The following NXPE2 variants were observed in gnomAD, a reference collection of about 807,000 sequenced individuals.
The protein encoded by NXPE2 is neurexophilin and PC-esterase domain family member 2.
A neutral mutation model predicts 34.4 loss-of-function variants in NXPE2; 34 were observed. The observed-to-expected ratio is 0.99, with a 90% confidence interval of 0.75 to 1.31. The LOEUF is 1.31. Among genes scored for constraint, NXPE2 ranks in the 40% most tolerant of loss-of-function variants. NXPE2 has a pLI of 0.00. For missense variants in NXPE2, 649 were observed against 672.5 expected (o/e 0.97, Z 0.39); for synonymous variants, 235 against 231.3 (o/e 1.02, Z -0.15).
At chr11:114,636,731 A>T in the NXPE2 span, among the ~76,000 whole-genome samples, 4 of 152,242 alleles carry the variant, frequency 2.6e-5, no homozygotes, top group African/African-American at 9.6e-5. Context: ...CCCAGCAGTC[A>T]TTCAGGAGCA....
the NXPE2 span, among the ~76,000 whole-genome samples, chr11:114,586,497 A>G: frequency 3.3e-5 from 5 of 152,232 alleles, no homozygotes; most frequent in Non-Finnish European, 5.9e-5. Context: ...TAGCGTGGCT[A>G]CCAGCCTTAC....
chr11:114,601,618 T>TATTATATATATTATTTATAATTATATATA, the NXPE2 span, among the ~76,000 whole-genome samples: 19 of 1,908 alleles, frequency 1.0e-2, no homozygotes, highest in African/African-American at 0.017. Flanking sequence ...TATAATTATA[T>TATTATATATATTATTTATAATTATATATA]ATTATATATT....
the NXPE2 span, among the ~76,000 whole-genome samples, chr11:114,751,245 T>G: frequency 6.6e-6 from 1 of 152,178 alleles, no homozygotes; most frequent in Non-Finnish European, 1.5e-5. Flanking sequence ...ACGTGCAGCT[T>G]CTATGTGCCA....
chr11:114,513,111 C>G, the NXPE2 span: 1 of 538,636 alleles, frequency 1.9e-6, no homozygotes, highest in Admixed American at 2.0e-5. Flanking sequence ...GAAGCACCTG[C>G]CATCAGGGCT....
the NXPE2 span, among the ~76,000 whole-genome samples, chr11:114,642,192 A>G: frequency 2.8e-4 from 42 of 152,066 alleles, no homozygotes; most frequent in Non-Finnish European, 5.1e-4. Context: ...TGAAAATGGC[A>G]TTTTACTTCT....
chr11:114,714,899 G>A, the NXPE2 span, among the ~76,000 whole-genome samples: 2 of 152,150 alleles, frequency 1.3e-5, no homozygotes, highest in East Asian at 3.9e-4. Flanking sequence ...GCACACGCCT[G>A]TAATCCCAGC....
the NXPE2 span, among the ~76,000 whole-genome samples, chr11:114,487,322 CTGATTTTTGTATGT>C: frequency 6.6e-6 from 1 of 152,032 alleles, no homozygotes; most frequent in Non-Finnish European, 1.5e-5. Context: ...AGAGATGCTA[CTGATTTTTGTATGT>C]TGATTTTGTA....
At chr11:114,549,255 T>C in the NXPE2 span, among the ~76,000 whole-genome samples, 55,437 of 151,768 alleles carry the variant, frequency 0.37, 10,373 homozygotes, top group East Asian at 0.66. Flanking sequence ...ACAAAAAGCT[T>C]CCAAATCAAT....
the NXPE2 span, among the ~76,000 whole-genome samples, chr11:114,615,358 A>G: frequency 0.012 from 1,858 of 151,642 alleles, 36 homozygotes; most frequent in African/African-American, 0.042. Flanking sequence ...TGCCTCGTGG[A>G]TAACCACTGT....
At chr11:114,720,356 G>T in the NXPE2 span, among the ~76,000 whole-genome samples, 1 of 152,212 alleles carries the variant, frequency 6.6e-6, no homozygotes, top group Non-Finnish European at 1.5e-5. Context: ...CCAGCCTTCT[G>T]AATCCCTTGA....
the NXPE2 span, among the ~76,000 whole-genome samples, chr11:114,506,212 G>A: frequency 1.3e-5 from 2 of 151,344 alleles, no homozygotes; most frequent in Non-Finnish European, 2.9e-5. Context: ...CCCAACACAG[G>A]AGCACCCAGA....
the NXPE2 span, among the ~76,000 whole-genome samples, chr11:114,605,350 AC>A: frequency 1.3e-5 from 2 of 151,674 alleles, no homozygotes; most frequent in Non-Finnish European, 2.9e-5. Flanking sequence ...CTCGTGGGTG[AC>A]CACTGTTACC....
At chr11:114,774,229 C>T in the NXPE2 span, among the ~76,000 whole-genome samples, 4 of 152,220 alleles carry the variant, frequency 2.6e-5, no homozygotes, top group African/African-American at 9.6e-5. Context: ...TTCACTATCA[C>T]TAAGGGCAGA....
the NXPE2 span, among the ~76,000 whole-genome samples, chr11:114,771,140 T>C: frequency 7.2e-5 from 11 of 151,946 alleles, no homozygotes; most frequent in African/African-American, 2.7e-4. Context: ...CTGACTGACT[T>C]TTCTCCAGGA....
intron 2 of NXPE2, among the ~76,000 whole-genome samples, chr11:114,681,934 A>G (rs1383253866): frequency 6.6e-6 from 1 of 152,186 alleles, no homozygotes; most frequent in Non-Finnish European, 1.5e-5. Context: ...GATTTTGGAA[A>G]GTTTGTCAAA....
the NXPE2 span, chr11:114,553,900 A>G: frequency 3.1e-6 from 3 of 982,990 alleles, no homozygotes; most frequent in Non-Finnish European, 3.6e-6. Flanking sequence ...CGTGGAAGTC[A>G]TCAAAGGCTA....
chr11:114,791,582 GA>G, the NXPE2 span, among the ~76,000 whole-genome samples: 2 of 152,192 alleles, frequency 1.3e-5, no homozygotes, highest in Non-Finnish European at 2.9e-5. Context: ...ATTGAGTCAA[GA>G]TCAGACCCTG....
chr11:114,754,963 A>G, the NXPE2 span, among the ~76,000 whole-genome samples: 1 of 152,196 alleles, frequency 6.6e-6, no homozygotes, highest in Non-Finnish European at 1.5e-5. Context: ...ACAACAGTGC[A>G]TATGGCTTGA....
At chr11:114,653,511 G>C in the NXPE2 span, among the ~76,000 whole-genome samples, 3 of 149,234 alleles carry the variant, frequency 2.0e-5, no homozygotes, top group African/African-American at 7.4e-5. Flanking sequence ...TTCTTGTTAG[G>C]ACTACCCTTG....
Sources: allele counts gnomAD v4.1 joint callset (sites outside exome capture counted in the v4.1 genomes callset), GRCh38; gene constraint gnomAD v4.1.1; transcripts MANE v1.5; gene names NCBI Gene and HGNC (gene_info 2026-07-23, HGNC 2026-07-21).